NOLC1: variants seen among roughly 807,000 people sequenced by gnomAD.
NOLC1 encodes the protein nucleolar and coiled-body phosphoprotein 1.
A neutral mutation model predicts 73.4 loss-of-function variants in NOLC1; 37 were observed. The ratio of observed to expected loss-of-function variants is 0.50; its 90% CI spans 0.39 to 0.66. The LOEUF (loss-of-function observed/expected upper bound fraction) is 0.66, where lower values mean the gene tolerates loss of function less well. NOLC1 is among the 30% of genes least tolerant of loss of function. The pLI is 0.00. For missense variants in NOLC1, 921 were observed against 838.9 expected (o/e 1.10, Z -1.21); for synonymous variants, 327 against 302.6 (o/e 1.08, Z -0.84).
chr10:102,160,198 T>A (rs1245943692), intron 8 of NOLC1, 35 bp from the exon 9 acceptor site: 1 of 1,605,034 alleles, frequency 6.2e-7, no homozygotes, highest in Non-Finnish European at 8.5e-7. Flanking sequence ...GGGTTGGGAC[T>A]CTGGACCCAG....
intron 7 of NOLC1, 137 bp from the exon 8 acceptor site, chr10:102,159,759 A>G (rs1294767266): frequency 3.7e-6 from 4 of 1,068,022 alleles, no homozygotes; most frequent in Non-Finnish European, 5.3e-6. Context: ...AGGTGACACC[A>G]TGTTCTGTTA....
Position 102,163,845 on chromosome 10 carries a change from T to C in NOLC1, c.*1576T>C, listed in dbSNP as rs1018827445. On this transcript the variant is annotated 3_prime_UTR_variant, in exon 13 of 13. Coordinates refer to ENST00000605788, the MANE Select transcript of NOLC1 (RefSeq NM_004741.5). ...AAAAGTTCTAAATCTTACTACAAAA[T>C]AATAAACTGGCTGGTTTATAATGTG... The C allele has an allele frequency of 7.9e-5, 12 of 152,198 alleles. No individual in the cohort carries two copies. The highest frequency in any genetic ancestry group is 1.7e-4 in the African/African-American group (7 of 41,452). The allele number at this position is 152,198 out of a possible 1,614,324, so 9.4% of individuals were successfully genotyped here. A position where few individuals can be genotyped will look rare whatever the true frequency, so the allele number is the denominator to read the frequency against.
intron 10 of NOLC1, 55 bp downstream of exon 10, chr10:102,161,148 A>G: frequency 6.6e-7 from 1 of 1,520,474 alleles, no homozygotes; most frequent in South Asian, 1.3e-5. Flanking sequence ...TCAGGATGGG[A>G]TATACTCTTT....
At chr10:102,156,376 T>G (rs890221525) in intron 1 of NOLC1, among the ~76,000 whole-genome samples, 4 of 151,642 alleles carry the variant, frequency 2.6e-5, no homozygotes, top group African/African-American at 9.7e-5. Context: ...CTTCCCAAAG[T>G]GCTGAGATAA....
intron 1 of NOLC1, among the ~76,000 whole-genome samples, chr10:102,154,968 G>A (rs2069567045): frequency 1.3e-5 from 2 of 151,080 alleles, no homozygotes; most frequent in African/African-American, 4.9e-5. Context: ...CAATCCTCCT[G>A]CCTCAGTCAC....
Position 102,160,905 on chromosome 10 carries a change from A to G in NOLC1, c.1553A>G (p.Asn518Ser), listed in dbSNP as rs1056550507. ...AAGAAAGGAAAGGCTGAGAGCAGCA[A>G]CAGTTCTTCTTCTGATGACTCCAGT... ...SAKKGKAESS[N>S]SSSSDDSSEE... The change falls in exon 10 of 13, where the codon AAC (asparagine) becomes AGC (serine). Residue 518 changes from asparagine (N) to serine (S), a missense_variant. Asn to Ser is a conservative substitution (Grantham distance 46). Coordinates refer to ENST00000605788, the MANE Select transcript of NOLC1 (RefSeq NM_004741.5). 2 of 1,614,216 alleles carry G rather than the reference A, an allele frequency of 1.2e-6. No homozygotes were observed. The highest frequency in any genetic ancestry group is 8.5e-7 in the Non-Finnish European group (1 of 1,180,026).
chr10:102,157,437 C>G lies in NOLC1; in HGVS notation c.323C>G (p.Pro108Arg). 1 of 1,614,116 alleles carries G rather than the reference C, an allele frequency of 6.2e-7. No homozygotes were observed. The change falls in exon 4 of 13, where the codon CCT becomes CGT. Residue 108 changes from proline (P) to arginine (R), a missense_variant. Coordinates refer to ENST00000605788, the MANE Select transcript of NOLC1 (RefSeq NM_004741.5). ...GACCTGTGTGTTTGTTCAGCTGTACCTGCCAAGCGAGTCGGTCTGCCTCCT... is the reference window on the plus strand; with the variant it reads ...GACCTGTGTGTTTGTTCAGCTGTACGTGCCAAGCGAGTCGGTCTGCCTCCT... ...QGPPAKKAAV[P>R]AKRVGLPPGK...
rs530128970 is a variant in NOLC1, at chr10:102,152,595, C to G, written c.120+65C>G. The G allele has an allele frequency of 5.6e-6, 9 of 1,601,188 alleles. No individual in the cohort carries two copies. In the Admixed American group the frequency reaches 8.5e-5, roughly 15 times the overall value. ...CCACAAGGCTTCAGGCCCTGACGTGCTTAGGTTTCCAGGTGGGGAAGTCTG... is the reference window on the plus strand; with the variant it reads ...CCACAAGGCTTCAGGCCCTGACGTGGTTAGGTTTCCAGGTGGGGAAGTCTG... On this transcript the variant is annotated intron_variant, in intron 1 of 12. Transcript: ENST00000605788.
chr10:102,156,086 C>T (rs540076206), intron 1 of NOLC1, among the ~76,000 whole-genome samples: 15 of 152,154 alleles, frequency 9.9e-5, no homozygotes, highest in African/African-American at 2.6e-4. Flanking sequence ...GCGATCTGCC[C>T]GCCTTGGCCT....
chr10:102,162,376 G>A lies in NOLC1; in HGVS notation c.*107G>A, dbSNP rs1400491327. The A allele has an allele frequency of 1.7e-6, 2 of 1,190,768 alleles. No homozygotes were observed. Among genetic ancestry groups the A allele is most frequent in the African/African-American group, 3.0e-5 (2 of 65,594 alleles). 73.8% of individuals were successfully genotyped at this position (1,190,768 alleles called of 1,614,324 possible). The stretch of plus-strand genomic sequence containing the variant: ...CTAGGTGAGGGTCTTGATGAGGACA[G>A]AAGTTTAGAGTAGGTCCTAAGACTT... On this transcript the variant is annotated 3_prime_UTR_variant, in exon 13 of 13. Coordinates refer to ENST00000605788, the MANE Select transcript of NOLC1 (RefSeq NM_004741.5).
Position 102,160,433 on chromosome 10 carries a change from C to G in NOLC1, c.1100-19C>G, listed in dbSNP as rs777388457. The G allele has an allele frequency of 5.0e-6, 8 of 1,612,010 alleles. No homozygotes were observed. The African/African-American group carries it at 9.4e-5, about 19-fold the overall frequency. The stretch of plus-strand genomic sequence containing the variant: ...AATCCAATTTGGGGAGCTGTTGATT[C>G]CATCCCTTCTGTGTCTAGACTCTGA... On this transcript the variant is annotated intron_variant, in intron 9 of 12. Coordinates refer to ENST00000605788, the MANE Select transcript of NOLC1 (RefSeq NM_004741.5).
rs199757723 is a variant in NOLC1, at chr10:102,161,936, G to C, written c.1941+11G>C. ...TCCTTTGATGCCAAGGTGAGAGAGA[G>C]ATCTGTGCCATTCTTGGGAGGGAGG... is the stretch of plus-strand genomic sequence containing the variant. On this transcript the variant is annotated intron_variant, in intron 12 of 12. Transcript: ENST00000605788. The C allele has an allele frequency of 6.2e-7, 1 of 1,613,062 alleles. No homozygotes were observed. Among genetic ancestry groups the C allele is most frequent in the East Asian group, 2.2e-5 (1 of 44,864 alleles).
intron 5 of NOLC1, 98 bp from the exon 6 acceptor site, chr10:102,159,083 AAAAAAAAAAAAT>A (rs1307120955): frequency 1.8e-6 from 2 of 1,117,788 alleles, no homozygotes; most frequent in South Asian, 3.3e-5. Flanking sequence ...AAAAAAAAAA[AAAAAAAAAAAAT>A]GGTGGACTCC....
chr10:102,161,185 ACCAC>A, intron 10 of NOLC1, 92 bp downstream of exon 10: 1 of 1,323,262 alleles, frequency 7.6e-7, no homozygotes, highest in South Asian at 1.5e-5. Flanking sequence ...GAGGAGGCCC[ACCAC>A]TGGGCTTCCA....
Position 102,161,600 on chromosome 10 carries a change from G to C in NOLC1, c.1786G>C (p.Glu596Gln). 1 of 1,614,102 alleles carries C rather than the reference G, an allele frequency of 6.2e-7. No individual in the cohort carries two copies. Residue 596 changes from glutamate to glutamine, a missense_variant, in exon 11 of 13, where the codon GAG (glutamate) becomes CAG (glutamine). Transcript: ENST00000605788. ...RKQNEAAKEA[E>Q]TPQAKKIKLQ... ...GCAGAATGAGGCTGCCAAGGAGGCA[G>C]AGACTCCTCAGGCCAAGAAGATAAA...
At chr10:102,153,472 A>G (rs2069539848) in intron 1 of NOLC1, among the ~76,000 whole-genome samples, 1 of 152,240 alleles carries the variant, frequency 6.6e-6, no homozygotes, top group African/African-American at 2.4e-5. Flanking sequence ...ATGACTAGGA[A>G]GGATGGCTTG....
At chr10:102,161,717 A>G in intron 11 of NOLC1, 55 bp downstream of exon 11, 4 of 1,559,006 alleles carry the variant, frequency 2.6e-6, no homozygotes, top group Non-Finnish European at 3.5e-6. Flanking sequence ...AGAAAAATCT[A>G]GGATCATCTT....
At position 102,162,364 on chromosome 10, in the gene NOLC1, TTGA is replaced by T. The variant is rs1052328231; in HGVS notation, c.*99_*101del. The T allele has an allele frequency of 1.5e-6, 2 of 1,362,588 alleles. No homozygotes were observed. The allele number at this position is 1,362,588 out of a possible 1,614,324, so 84.4% of individuals were successfully genotyped here. A position where few individuals can be genotyped will look rare whatever the true frequency, so the allele number is the denominator to read the frequency against. Reference sequence around the variant, plus strand: ...ACCCTCAGGTCTCTAGGTGAGGGTCTTGATGAGGACAGAAGTTTAGAGTAGGTC... The same window carrying T: ...ACCCTCAGGTCTCTAGGTGAGGGTCTTGAGGACAGAAGTTTAGAGTAGGTC... On this transcript the variant is annotated 3_prime_UTR_variant, in exon 13 of 13. Transcript: ENST00000605788.
chr10:102,161,084 T>A lies in NOLC1; in HGVS notation c.1732T>A (p.Ser578Thr). Residue 578 changes from serine (S) to threonine (T), a missense_variant, in exon 10 of 13, where the codon TCC (serine) becomes ACC (threonine). By Grantham distance (58) the Ser-to-Thr change is moderately conservative (BLOSUM62 1). Transcript: ENST00000605788. The stretch of plus-strand genomic sequence containing the variant: ...AAAGAAAAAGGCGGCAGTGGTAGTT[T>A]CCAAATCAGGTCTGTACCCAATGAA... The part of the protein sequence containing the change: ...EEKKKAAVVV[S>T]KSGSLKKRKQ... The A allele has an allele frequency of 1.2e-6, 2 of 1,607,160 alleles. No homozygotes were observed. Among genetic ancestry groups the A allele is most frequent in the Non-Finnish European group, 1.7e-6 (2 of 1,178,842 alleles).
Sources: gnomAD v4.1 joint callset for allele counts (sites outside exome capture counted in the v4.1 genomes callset) on GRCh38, gnomAD v4.1.1 for gene constraint, MANE v1.5 for transcripts, NCBI Gene and HGNC (gene_info 2026-07-23, HGNC 2026-07-21) for gene names.